The following LRRTM4 variants were observed in gnomAD, a reference collection of about 807,000 sequenced individuals.
LRRTM4 encodes the protein leucine rich repeat transmembrane neuronal 4.
Under a neutral mutation model 47.6 loss-of-function variants are expected in LRRTM4, and 25 were observed. That is an observed-to-expected ratio of 0.53 (90% confidence interval 0.38 to 0.73). LRRTM4 has a LOEUF of 0.73. Ranked by LOEUF, LRRTM4 falls within the 30% of genes least tolerant of loss-of-function variation. The pLI, the probability that LRRTM4 is intolerant of heterozygous loss-of-function variation, is 0.00. For synonymous variants in LRRTM4, 311 were observed against 269.5 expected (o/e 1.15, Z -1.51); for missense variants, 638 against 713.4 (o/e 0.89, Z 1.20).
rs1395519554 is a variant in LRRTM4 at position 77,341,933 on chromosome 2, A to C, written c.1551+176385T>G. On this transcript the variant is annotated intron_variant, in intron 3 of 3. Coordinates refer to ENST00000409884, the MANE Select transcript of LRRTM4 (RefSeq NM_001134745.3). Reference sequence around the variant, plus strand: ...TGTAAGGGGCTTAATAGAATATACAAAGGCATTGGGATCAAGATGGATGAA... The same window carrying C: ...TGTAAGGGGCTTAATAGAATATACACAGGCATTGGGATCAAGATGGATGAA... Among the ~76,000 whole-genome samples, 4 of 151,978 alleles carry C rather than the reference A, an allele frequency of 2.6e-5. No individual in the cohort carries two copies. In the East Asian group the frequency reaches 7.7e-4, roughly 29 times the overall value.
intron 3 of LRRTM4, among the ~76,000 whole-genome samples, chr2:76,935,844 G>C (rs190048684): frequency 6.6e-6 from 1 of 152,162 alleles, no homozygotes; most frequent in East Asian, 1.9e-4. Context: ...TCTCTCCCTT[G>C]CCTGAATGTG....
chr2:77,014,464 C>T (rs1573452492), intron 3 of LRRTM4, among the ~76,000 whole-genome samples: 1 of 148,476 alleles, frequency 6.7e-6, no homozygotes. Flanking sequence ...ATTGACTATT[C>T]TCATAAAAAG....
intron 3 of LRRTM4, among the ~76,000 whole-genome samples, chr2:77,212,578 A>C (rs566641660): frequency 1.1e-4 from 16 of 150,550 alleles, no homozygotes; most frequent in East Asian, 5.8e-4. Flanking sequence ...CTCTCTCTAT[A>C]TATATAGTCT....
At chr2:77,258,121 G>GAA (rs59372252) in intron 3 of LRRTM4, among the ~76,000 whole-genome samples, 2 of 134,024 alleles carry the variant, frequency 1.5e-5, no homozygotes, top group African/African-American at 5.1e-5. Context: ...AAGAAAAAAA[G>GAA]AAAAAAAAAA....
chr2:77,236,020 T>C (rs1405146125), intron 3 of LRRTM4, among the ~76,000 whole-genome samples: 2 of 152,152 alleles, frequency 1.3e-5, no homozygotes, highest in African/African-American at 4.8e-5. Flanking sequence ...TCGTTCCATA[T>C]AAATTTTAGA....
intron 3 of LRRTM4, among the ~76,000 whole-genome samples, chr2:76,866,788 T>A (rs1672482197): frequency 6.6e-6 from 1 of 152,164 alleles, no homozygotes; most frequent in Non-Finnish European, 1.5e-5. Context: ...CTATTGTAAA[T>A]AATGCTGCAA....
At chr2:77,435,588 C>A (rs1160768959) in intron 3 of LRRTM4, among the ~76,000 whole-genome samples, 1 of 152,050 alleles carries the variant, frequency 6.6e-6, no homozygotes, top group Admixed American at 6.6e-5. Flanking sequence ...CAGTGGTGAC[C>A]AAGAACCCAG....
intron 3 of LRRTM4, among the ~76,000 whole-genome samples, chr2:77,375,822 T>C (rs1230113776): frequency 6.6e-6 from 1 of 151,830 alleles, no homozygotes; most frequent in Non-Finnish European, 1.5e-5. Context: ...ATTTCCTTTA[T>C]CTACTTAACC....
At chr2:77,351,614 T>TTATATATAGATATATA (rs1671780129) in intron 3 of LRRTM4, among the ~76,000 whole-genome samples, 1 of 135,400 alleles carries the variant, frequency 7.4e-6, no homozygotes, top group African/African-American at 2.8e-5. Flanking sequence ...CATGACAAAT[T>TTATATATAGATATATA]TATATATATA....
rs149508711 is a variant in LRRTM4, at chr2:77,034,035, A to T, written c.1552-285119T>A. 3.1e-4 allele frequency among the ~76,000 whole-genome samples: 47 copies of T among 151,872 alleles called. No individual in the cohort carries two copies. In the East Asian group the frequency reaches 7.3e-3, roughly 24 times the overall value. On this transcript the variant is annotated intron_variant, in intron 3 of 3. Transcript: ENST00000409884. ...AGTATACCTTTATTATTGATAATTA[A>T]ATACTGGAAAAAACCATAAAGGTTC... is the stretch of plus-strand genomic sequence containing the variant.
intron 3 of LRRTM4, among the ~76,000 whole-genome samples, chr2:76,955,858 A>C (rs2103898716): frequency 6.6e-6 from 1 of 151,942 alleles, no homozygotes; most frequent in South Asian, 2.1e-4. Context: ...TACGAAAAAT[A>C]GTTATTAGTT....
chr2:76,938,904 G>A (rs1675043715), intron 3 of LRRTM4, among the ~76,000 whole-genome samples: 2 of 151,920 alleles, frequency 1.3e-5, no homozygotes, highest in African/African-American at 4.8e-5. Flanking sequence ...ATATATAGTG[G>A]TAAACTAGTC....
intron 3 of LRRTM4, among the ~76,000 whole-genome samples, chr2:77,219,434 G>C (rs1674555163): frequency 6.6e-6 from 1 of 152,100 alleles, no homozygotes; most frequent in East Asian, 1.9e-4. Context: ...AATTTCTAGA[G>C]CACTCCTTCA....
intron 3 of LRRTM4, among the ~76,000 whole-genome samples, chr2:77,039,254 T>C (rs1558543075): frequency 6.6e-6 from 1 of 151,034 alleles, no homozygotes. Context: ...AGATACAGGC[T>C]GTAAGTCTGA....
At chr2:77,466,679 T>A (rs556702794) in intron 3 of LRRTM4, among the ~76,000 whole-genome samples, 1 of 149,870 alleles carries the variant, frequency 6.7e-6, no homozygotes, top group Admixed American at 6.7e-5. Flanking sequence ...GGTGCTATGA[T>A]AAAAAATTTC....
chr2:77,136,706 G>C (rs1211148988), intron 3 of LRRTM4, among the ~76,000 whole-genome samples: 1 of 152,042 alleles, frequency 6.6e-6, no homozygotes, highest in East Asian at 1.9e-4. Flanking sequence ...CGAAACCATG[G>C]CAAAGAAGCT....
At chr2:77,253,195 A>C in intron 3 of LRRTM4, among the ~76,000 whole-genome samples, 1 of 152,298 alleles carries the variant, frequency 6.6e-6, no homozygotes, top group Admixed American at 6.5e-5. Context: ...CATAAAAAAT[A>C]TAAATAAATA....
intron 3 of LRRTM4, among the ~76,000 whole-genome samples, chr2:76,857,820 T>A (rs1335433543): frequency 6.6e-6 from 1 of 152,294 alleles, no homozygotes; most frequent in Non-Finnish European, 1.5e-5. Context: ...AACAGGCAAA[T>A]AGGCATTTAC....
At chr2:76,916,355 A>G (rs1674245179) in intron 3 of LRRTM4, among the ~76,000 whole-genome samples, 1 of 135,820 alleles carries the variant, frequency 7.4e-6, no homozygotes, top group African/African-American at 2.8e-5. Flanking sequence ...ACCGCACTCC[A>G]GCCTGGGCGA....
Sources: gnomAD v4.1 joint callset for allele counts (sites outside exome capture counted in the v4.1 genomes callset) on GRCh38, gnomAD v4.1.1 for gene constraint, MANE v1.5 for transcripts, NCBI Gene and HGNC (gene_info 2026-07-23, HGNC 2026-07-21) for gene names.